The following RALGPS2 variants were observed in gnomAD, a reference collection of about 807,000 sequenced individuals.
The protein encoded by RALGPS2 is Ral GEF with PH domain and SH3 binding motif 2.
In RALGPS2, 43 loss-of-function variants were observed where a neutral mutation model predicts 86.8. That is an observed-to-expected ratio of 0.50 (90% CI 0.39 to 0.64). The LOEUF is 0.64. RALGPS2 is among the 30% of genes least tolerant of loss of function. The pLI is 0.00. For missense variants in RALGPS2, 536 were observed against 694.6 expected (o/e 0.77, Z 2.57); for synonymous variants, 243 against 231.3 (o/e 1.05, Z -0.46).
Position 178,918,683 on chromosome 1 carries a change from A to G in RALGPS2, c.*2324A>G, listed in dbSNP as rs1045980563. 3.3e-5 allele frequency: 5 copies of G among 152,164 alleles called. No homozygotes were observed. The highest frequency in any genetic ancestry group is 7.2e-5 in the African/African-American group (3 of 41,466). 9.4% of individuals were successfully genotyped at this position (152,164 alleles called of 1,614,324 possible). On this transcript the variant is annotated 3_prime_UTR_variant, in exon 20 of 20. Coordinates refer to ENST00000367635, the MANE Select transcript of RALGPS2 (RefSeq NM_152663.5). ...AAGTCGTTGTTTTTCTGTCTTTAAAATTTATTCATTCAGAAAATTAGTCAT... is the reference window on the plus strand; with the variant it reads ...AAGTCGTTGTTTTTCTGTCTTTAAAGTTTATTCATTCAGAAAATTAGTCAT...
At chr1:178,809,682 A>G (rs1654887256) in intron 5 of RALGPS2, among the ~76,000 whole-genome samples, 1 of 151,694 alleles carries the variant, frequency 6.6e-6, no homozygotes. Flanking sequence ...ATGGACTGTC[A>G]TTTGGGGAGC....
At chr1:178,832,066 A>G (rs1163260408) in intron 7 of RALGPS2, among the ~76,000 whole-genome samples, 2 of 152,212 alleles carry the variant, frequency 1.3e-5, no homozygotes, top group African/African-American at 4.8e-5. Flanking sequence ...ATGTCACATA[A>G]CTATATTTTG....
At chr1:178,830,417 C>T (rs1655962498) in intron 7 of RALGPS2, among the ~76,000 whole-genome samples, 1 of 151,968 alleles carries the variant, frequency 6.6e-6, no homozygotes, top group Non-Finnish European at 1.5e-5. Context: ...CCCAGAAATA[C>T]CTCCTTGTTT....
At position 178,897,698 on chromosome 1, in the gene RALGPS2, G is replaced by T. The variant is rs1477192943; in HGVS notation, c.1466G>T (p.Cys489Phe). 1 of 1,612,682 alleles carries T rather than the reference G, an allele frequency of 6.2e-7. No homozygotes were observed. ...ASWTKYWAAL[C>F]GTQLFYYAAK... ...TGGACAAAATATTGGGCAGCTTTGT[G>T]TGGGACACAGCTTTTTTACTATGCT... Residue 489 changes from cysteine to phenylalanine, a missense_variant, in exon 17 of 20, where the codon TGT (cysteine) becomes TTT (phenylalanine). This residue lies in a region of RALGPS2 where 309 missense variants were observed against 363.0 expected (regional missense o/e 0.85). Coordinates refer to ENST00000367635, the MANE Select transcript of RALGPS2 (RefSeq NM_152663.5).
intron 19 of RALGPS2, among the ~76,000 whole-genome samples, chr1:178,910,994 G>A (rs1177237401): frequency 6.6e-6 from 1 of 152,062 alleles, no homozygotes; most frequent in Admixed American, 6.5e-5. Flanking sequence ...ATCTTCAGAG[G>A]TTGTGTTTCC....
At chr1:178,873,894 T>G (rs1658879303) in intron 8 of RALGPS2, among the ~76,000 whole-genome samples, 1 of 152,152 alleles carries the variant, frequency 6.6e-6, no homozygotes, top group Non-Finnish European at 1.5e-5. Context: ...AGACACTTTT[T>G]TTTTGAGACG....
At chr1:178,859,304 A>G (rs555565142) in intron 8 of RALGPS2, among the ~76,000 whole-genome samples, 1 of 152,256 alleles carries the variant, frequency 6.6e-6, no homozygotes, top group East Asian at 1.9e-4. Context: ...AAGAAGCATT[A>G]TAAATAATTT....
intron 16 of RALGPS2, 181 bp downstream of exon 16, chr1:178,894,205 G>T: frequency 2.1e-6 from 1 of 466,476 alleles, no homozygotes; most frequent in East Asian, 3.4e-5. Context: ...GGGGATGACT[G>T]AAACCTCAGA....
At chr1:178,839,199 A>G (rs1273515476) in intron 8 of RALGPS2, among the ~76,000 whole-genome samples, 1 of 152,184 alleles carries the variant, frequency 6.6e-6, no homozygotes, top group African/African-American at 2.4e-5. Context: ...CAACTCCAAG[A>G]CACATAATTG....
intron 8 of RALGPS2, among the ~76,000 whole-genome samples, chr1:178,847,357 A>G (rs984144362): frequency 1.3e-5 from 2 of 152,134 alleles, no homozygotes; most frequent in South Asian, 2.1e-4. Flanking sequence ...GAGGCAGGAG[A>G]ATCACTTGAA....
At chr1:178,741,615 T>A (rs1651029098) in intron 1 of RALGPS2, among the ~76,000 whole-genome samples, 1 of 152,118 alleles carries the variant, frequency 6.6e-6, no homozygotes, top group Admixed American at 6.5e-5. Flanking sequence ...CCATGGTAAG[T>A]TAAAGTTAAA....
Position 178,752,348 on chromosome 1 carries a change from G to C in RALGPS2, c.-83-24334G>C, listed in dbSNP as rs12090142. Among the ~76,000 whole-genome samples the C allele has an allele frequency of 7.7e-3, 1,159 of 150,842 alleles. 39 individuals carry two copies. Among genetic ancestry groups the C allele is most frequent in the African/African-American group, 0.022 (907 of 40,550 alleles). Reference sequence around the variant, plus strand: ...TTTTTTTTGTAGAGATTGGTGGCGGGGGGGAGGGTCTCACTTTGTTGCCTA... The same window carrying C: ...TTTTTTTTGTAGAGATTGGTGGCGGCGGGGAGGGTCTCACTTTGTTGCCTA... On this transcript the variant is annotated intron_variant, in intron 1 of 19. Transcript: ENST00000367635.
chr1:178,817,636 C>T (rs1017806296), intron 6 of RALGPS2, among the ~76,000 whole-genome samples: 19 of 152,058 alleles, frequency 1.2e-4, no homozygotes, highest in Non-Finnish European at 4.4e-5. Context: ...TTAGAAGTAG[C>T]TTGTCAATTT....
intron 8 of RALGPS2, among the ~76,000 whole-genome samples, chr1:178,846,882 A>G (rs373166597): frequency 6.6e-6 from 1 of 152,228 alleles, no homozygotes; most frequent in East Asian, 1.9e-4. Context: ...TATATAGCTG[A>G]CACTGTACTT....
chr1:178,856,202 G>T (rs79368581), intron 8 of RALGPS2, among the ~76,000 whole-genome samples: 2,702 of 82,816 alleles, frequency 0.033, 68 homozygotes, highest in African/African-American at 0.096. Flanking sequence ...GAGAGAGAGA[G>T]ATATATATAT....
intron 8 of RALGPS2, chr1:178,868,989 C>A (rs1658584493): frequency 6.6e-6 from 1 of 151,932 alleles, no homozygotes; most frequent in Non-Finnish European, 1.5e-5. Context: ...TTAATATTTT[C>A]TCACATATGT....
At chr1:178,766,401 G>A (rs984560378) in intron 1 of RALGPS2, among the ~76,000 whole-genome samples, 1 of 136,490 alleles carries the variant, frequency 7.3e-6, no homozygotes, top group Non-Finnish European at 1.6e-5. Context: ...TTTTTTTTTT[G>A]CATTTTTAGT....
intron 8 of RALGPS2, chr1:178,853,089 G>C (rs1657291577): frequency 7.0e-7 from 1 of 1,426,764 alleles, no homozygotes; most frequent in Admixed American, 2.7e-5. Context: ...ATTTTAGTTG[G>C]TCACTTGCGT....
intron 7 of RALGPS2, among the ~76,000 whole-genome samples, chr1:178,831,579 G>T (rs1211462460): frequency 6.6e-6 from 1 of 151,964 alleles, no homozygotes; most frequent in Admixed American, 6.6e-5. Context: ...TGCTCTTGGT[G>T]CCAAGGACAT....
Sources: allele counts gnomAD v4.1 joint callset (sites outside exome capture counted in the v4.1 genomes callset), GRCh38; gene constraint gnomAD v4.1.1; regional missense constraint gnomAD v4.1.1; transcripts MANE v1.5; gene names NCBI Gene and HGNC (gene_info 2026-07-23, HGNC 2026-07-21).